DHRS7C: variants seen among roughly 807,000 people sequenced by gnomAD.
DHRS7C encodes the protein dehydrogenase/reductase SDR family member 7C.
In DHRS7C, 28 loss-of-function variants were observed where a neutral mutation model predicts 29.6. That is an observed-to-expected ratio of 0.95 (90% CI 0.70 to 1.30). The LOEUF is 1.30. Among genes scored for constraint, DHRS7C ranks in the 50% most tolerant of loss-of-function variants. The pLI is 0.00. For synonymous variants in DHRS7C, 158 were observed against 160.2 expected (o/e 0.99, Z 0.10); for missense variants, 403 against 393.3 (o/e 1.02, Z -0.21).
chr17:9,783,425 A>G (rs2066404737), intron 1 of DHRS7C, among the ~76,000 whole-genome samples: 1 of 152,216 alleles, frequency 6.6e-6, no homozygotes, highest in Admixed American at 6.5e-5. Flanking sequence ...GGTCTTGGGA[A>G]ATGACAGAAA....
rs1207688274 is a variant in DHRS7C, at chr17:9,780,018, C to T, written c.285G>A (p.Leu95=). The change falls in exon 3 of 6, where the codon CTG becomes CTA. Residue 95 remains leucine, a synonymous_variant. Transcript: ENST00000571134. ...ADPSKTFTPK[L]VLLDLSDISC... ...TGATGTCTGAGAGGTCCAACAGGAC[C>T]AGCTTTGGGGTGAATGTCTGCTGAA... The T allele has an allele frequency of 1.2e-6, 2 of 1,613,550 alleles. No homozygotes were observed. The highest frequency in any genetic ancestry group is 1.7e-6 in the Non-Finnish European group (2 of 1,179,834).
chr17:9,783,934 CTGTTTTTTTTT>C (rs2066407439), intron 1 of DHRS7C, among the ~76,000 whole-genome samples: 1 of 100,954 alleles, frequency 9.9e-6, no homozygotes, highest in Non-Finnish European at 2.6e-5. Flanking sequence ...GAGTGAGACT[CTGTTTTTTTTT>C]TGTTTTTTTG....
rs2066327148 is a variant in DHRS7C at position 9,771,509 on chromosome 17, G to A, written c.915C>T (p.Leu305=). Residue 305 remains leucine (L), a synonymous_variant, in exon 6 of 6, where the codon CTC becomes CTT. Coordinates refer to ENST00000571134, the MANE Select transcript of DHRS7C (RefSeq NM_001105571.3). The part of the protein sequence containing the change: ...AVVACGVKEK[L]NVPEEG ...GCAGTTACCCCTCCTCCGGGACATT[G>A]AGCTTCTCCTTCACCCCACAGGCCA... The A allele has an allele frequency of 1.3e-6, 2 of 1,549,156 alleles. No individual in the cohort carries two copies. The highest frequency in any genetic ancestry group is 1.7e-6 in the Non-Finnish European group (2 of 1,144,370).
intron 2 of DHRS7C, among the ~76,000 whole-genome samples, chr17:9,781,204 A>T (rs1191109614): frequency 1.3e-5 from 2 of 152,218 alleles, no homozygotes; most frequent in Non-Finnish European, 2.9e-5. Context: ...TACCTGTAAC[A>T]TCCTCTGTCT....
chr17:9,781,462 C>G lies in DHRS7C; in HGVS notation c.267+20G>C. On this transcript the variant is annotated intron_variant, in intron 2 of 5. Transcript: ENST00000571134. ...GGGAGTTCCCAGGAGTTACCCACGCCTACTGCTAGAAGACCTTACCTTGCT... is the reference window on the plus strand; with the variant it reads ...GGGAGTTCCCAGGAGTTACCCACGCGTACTGCTAGAAGACCTTACCTTGCT... The G allele has an allele frequency of 6.2e-7, 1 of 1,612,362 alleles. No homozygotes were observed. The highest frequency in any genetic ancestry group is 8.5e-7 in the Non-Finnish European group (1 of 1,178,568).
rs775232499 is a variant in DHRS7C, at chr17:9,781,485, G to A, written c.264C>T (p.Ser88=). 12 of 1,613,824 alleles carry A rather than the reference G, an allele frequency of 7.4e-6. No individual in the cohort carries two copies. The African/African-American group carries it at 1.6e-4, about 22-fold the overall frequency. ...YDALISVADP[S]KTFTPKLVLL... ...GCCTACTGCTAGAAGACCTTACCTT[G>A]CTGGGGTCAGCCACGCTGATCAAGG... Residue 88 remains serine, a synonymous_variant, in exon 2 of 6, where the codon AGC becomes AGT. Coordinates refer to ENST00000571134, the MANE Select transcript of DHRS7C (RefSeq NM_001105571.3).
intron 1 of DHRS7C, among the ~76,000 whole-genome samples, chr17:9,790,246 T>G (rs972644753): frequency 2.6e-5 from 4 of 152,138 alleles, no homozygotes; most frequent in African/African-American, 9.7e-5. Flanking sequence ...TACTAATGAA[T>G]GTTTGGCTGT....
chr17:9,783,558 G>A (rs184926249), intron 1 of DHRS7C, among the ~76,000 whole-genome samples: 90 of 152,320 alleles, frequency 5.9e-4, no homozygotes, highest in African/African-American at 2.1e-3. Flanking sequence ...AAATTAAAGA[G>A]TTAGCAGTTC....
intron 1 of DHRS7C, among the ~76,000 whole-genome samples, chr17:9,786,768 C>T (rs993186927): frequency 7.2e-5 from 11 of 152,022 alleles, no homozygotes; most frequent in African/African-American, 1.7e-4. Flanking sequence ...ATGAATCACC[C>T]GGAGTCCCAC....
chr17:9,776,545 G>A (rs76404784), intron 4 of DHRS7C, among the ~76,000 whole-genome samples: 7,494 of 152,110 alleles, frequency 0.049, 335 homozygotes, highest in East Asian at 0.23. Flanking sequence ...GCACATGGTA[G>A]TGTGGGCCAC....
chr17:9,791,032 G>A, intron 1 of DHRS7C, 99 bp downstream of exon 1: 2 of 1,412,966 alleles, frequency 1.4e-6, no homozygotes, highest in Non-Finnish European at 1.9e-6. Context: ...CTCCCACCGA[G>A]CAGGTTTGCC....
Position 9,775,629 on chromosome 17 carries a change from G to T in DHRS7C, c.571+1564C>A, listed in dbSNP as rs2066357768. Among the ~76,000 whole-genome samples, 1 of 152,126 alleles carries T rather than the reference G, an allele frequency of 6.6e-6. No individual in the cohort carries two copies. The highest frequency in any genetic ancestry group is 2.4e-5 in the African/African-American group (1 of 41,408). ...GCTTGCCTGAGCCATTCCCATTGAG[G>T]TTACTACATGGAGGAGTAATCAAGT... is the stretch of plus-strand genomic sequence containing the variant. On this transcript the variant is annotated intron_variant, in intron 4 of 5. Coordinates refer to ENST00000571134, the MANE Select transcript of DHRS7C (RefSeq NM_001105571.3). The surrounding 1 kb of genome is among the most constrained non-coding windows in gnomAD (Gnocchi z 4.2).
At chr17:9,783,706 C>T (rs1413777247) in intron 1 of DHRS7C, among the ~76,000 whole-genome samples, 1 of 152,174 alleles carries the variant, frequency 6.6e-6, no homozygotes, top group Non-Finnish European at 1.5e-5. Context: ...TGGCTCATGC[C>T]TGTAATTCCA....
At chr17:9,784,629 C>T (rs1417915316) in intron 1 of DHRS7C, among the ~76,000 whole-genome samples, 2 of 152,184 alleles carry the variant, frequency 1.3e-5, no homozygotes, top group South Asian at 2.1e-4. Flanking sequence ...TCTTACAAAT[C>T]AATTAGAAAA....
intron 4 of DHRS7C, among the ~76,000 whole-genome samples, chr17:9,776,211 AAAAAG>A (rs2066361819): frequency 6.6e-6 from 1 of 152,148 alleles, no homozygotes. Flanking sequence ...TCAAAAAAAG[AAAAAG>A]AAAAGAAGAG....
At position 9,791,126 on chromosome 17, in the gene DHRS7C, C is replaced by A; in HGVS notation, c.154+5G>T. On this transcript the variant is annotated splice_donor_5th_base_variant and intron_variant, in intron 1 of 5. Coordinates refer to ENST00000571134, the MANE Select transcript of DHRS7C (RefSeq NM_001105571.3). ...TGGGCACAGGTGGGAGCAAAGCCAG[C>A]TTACCCTTGCCCAGTCCTGAGATGG... The A allele has an allele frequency of 1.2e-6, 2 of 1,609,756 alleles. No homozygotes were observed. Among genetic ancestry groups the A allele is most frequent in the Non-Finnish European group, 8.5e-7 (1 of 1,177,784 alleles).
At position 9,791,167 on chromosome 17, in the gene DHRS7C, C is replaced by T. The variant is rs755320240; in HGVS notation, c.118G>A (p.Val40Met). 13 of 1,613,624 alleles carry T rather than the reference C, an allele frequency of 8.1e-6. No individual in the cohort carries two copies. Among genetic ancestry groups the T allele is most frequent in the Non-Finnish European group, 1.1e-5 (13 of 1,179,774 alleles). ...CCTGAGATGGCATCGGTGATCACCA[C>T]CACTTTGTTCTGCACAGCTGACTTT... ...WSKSAVQNKV[V>M]VITDAISGLG... is the part of the protein sequence containing the mutation. The change falls in exon 1 of 6, where the codon GTG becomes ATG. Residue 40 changes from valine (V) to methionine (M), a missense_variant. Val to Met is a conservative substitution (Grantham distance 21). Coordinates refer to ENST00000571134, the MANE Select transcript of DHRS7C (RefSeq NM_001105571.3).
Position 9,791,131 on chromosome 17 carries a change from C to G in DHRS7C, c.154G>C (p.Glu52Gln). The change falls in exon 1 of 6, where the codon GAG becomes CAG. Residue 52 changes from glutamate (E) to glutamine (Q), a missense_variant and splice_region_variant. Transcript: ENST00000571134. The stretch of plus-strand genomic sequence containing the variant: ...ACAGGTGGGAGCAAAGCCAGCTTAC[C>G]CTTGCCCAGTCCTGAGATGGCATCG... ...ITDAISGLGK[E>Q]CARVFHTGGA... 6.2e-7 allele frequency: 1 copy of G among 1,611,546 alleles called. No homozygotes were observed. The highest frequency in any genetic ancestry group is 8.5e-7 in the Non-Finnish European group (1 of 1,178,848).
At chr17:9,786,832 G>A (rs1449527884) in intron 1 of DHRS7C, among the ~76,000 whole-genome samples, 1 of 152,148 alleles carries the variant, frequency 6.6e-6, no homozygotes, top group Non-Finnish European at 1.5e-5. Context: ...ACATCCAGAT[G>A]GGGAGTAACG....
Sources: gnomAD v4.1 joint callset for allele counts (sites outside exome capture counted in the v4.1 genomes callset) on GRCh38, gnomAD v4.1.1 for gene constraint, Gnocchi (gnomAD v3.1) non-coding constraint, MANE v1.5 for transcripts, NCBI Gene and HGNC (gene_info 2026-07-23, HGNC 2026-07-21) for gene names.